The following RAB3GAP1 variants were observed in gnomAD, a reference collection of about 807,000 sequenced individuals.
RAB3GAP1 encodes the protein RAB3 GTPase activating protein catalytic subunit 1.
In RAB3GAP1, 86 loss-of-function variants were observed where a neutral mutation model predicts 130.7. The ratio of observed to expected loss-of-function variants is 0.66; its 90% CI spans 0.55 to 0.79. RAB3GAP1 has a LOEUF of 0.79. Among genes scored for constraint, RAB3GAP1 ranks in the 30% least tolerant of loss-of-function variants. The pLI, the probability that RAB3GAP1 is intolerant of heterozygous loss-of-function variation, is 0.00. For missense variants in RAB3GAP1, 1,029 were observed against 1,169.4 expected, an observed-to-expected ratio of 0.88 and a Z score of 1.75; for synonymous variants, 367 against 401.7, an observed-to-expected ratio of 0.91 and a Z score of 1.03.
intron 3 of RAB3GAP1, among the ~76,000 whole-genome samples, chr2:135,074,327 A>G (rs1689560712): frequency 6.6e-6 from 1 of 152,204 alleles, no homozygotes; most frequent in Admixed American, 6.5e-5. Flanking sequence ...TTCCAACAGA[A>G]AGGACAGGAG....
At position 135,154,435 on chromosome 2, in the gene RAB3GAP1, C is replaced by T. The variant is rs115257048; in HGVS notation, c.2289+559C>T. ...CTCCTCCACCCCCCCAAGAAAATCCCGTGAAATCAATAAGTAAATAAATCC... is the reference window on the plus strand; with the variant it reads ...CTCCTCCACCCCCCCAAGAAAATCCTGTGAAATCAATAAGTAAATAAATCC... On this transcript the variant is annotated intron_variant, in intron 19 of 23. Transcript: ENST00000264158. Among the ~76,000 whole-genome samples the T allele has an allele frequency of 9.0e-3, 1,376 of 152,198 alleles. 20 individuals carry two copies. Among genetic ancestry groups the T allele is most frequent in the African/African-American group, 0.03 (1,238 of 41,498 alleles).
At position 135,155,118 on chromosome 2, in the gene RAB3GAP1, G is replaced by A. The variant is rs371563313; in HGVS notation, c.2289+1242G>A. 7.2e-5 allele frequency among the ~76,000 whole-genome samples: 11 copies of A among 152,064 alleles called. No homozygotes were observed. In the South Asian group the frequency reaches 2.3e-3, roughly 32 times the overall value. ...CAGATATCCTCAAACAGTTAAGGAG[G>A]ATATGAAAAAACCATGTTTAATCAG... On this transcript the variant is annotated intron_variant, in intron 19 of 23. Coordinates refer to ENST00000264158, the MANE Select transcript of RAB3GAP1 (RefSeq NM_012233.3).
chr2:135,105,860 G>C (rs1403026317), intron 5 of RAB3GAP1, among the ~76,000 whole-genome samples: 2 of 151,850 alleles, frequency 1.3e-5, no homozygotes, highest in African/African-American at 2.4e-5. Flanking sequence ...TCTGGGATGT[G>C]AGGAGCACCT....
intron 5 of RAB3GAP1, among the ~76,000 whole-genome samples, chr2:135,108,877 A>G (rs748815834): frequency 2.0e-4 from 30 of 152,166 alleles, no homozygotes; most frequent in Non-Finnish European, 1.8e-4. Flanking sequence ...TGTAAAGCCT[A>G]TCTAGATTAA....
At chr2:135,093,776 A>C in intron 5 of RAB3GAP1, 83 bp downstream of exon 5, 1 of 1,083,528 alleles carries the variant, frequency 9.2e-7, no homozygotes, top group South Asian at 1.3e-5. Flanking sequence ...GTGATTTGCT[A>C]AGAAGACTCA....
rs759855060 is a variant in RAB3GAP1 at position 135,130,041 on chromosome 2, A to G, written c.1020A>G (p.Ser340=). 7 of 1,613,528 alleles carry G rather than the reference A, an allele frequency of 4.3e-6. No homozygotes were observed. The highest frequency in any genetic ancestry group is 4.2e-6 in the Non-Finnish European group (5 of 1,179,762). ...TTAAAATTTGCCGTCGAAAGGAGTC[A>G]ACTGATGAGATTCTTGGACGATCTG... ...EFFKICRRKE[S]TDEILGRSAF... The change falls in exon 12 of 24, where the codon TCA becomes TCG. Residue 340 remains serine, a synonymous_variant. Transcript: ENST00000264158.
At chr2:135,158,443 A>C (rs922396682) in intron 19 of RAB3GAP1, among the ~76,000 whole-genome samples, 128 of 152,294 alleles carry the variant, frequency 8.4e-4, no homozygotes, top group African/African-American at 2.9e-3. Context: ...AATCTGGGAC[A>C]ATTTTGAGTT....
At chr2:135,136,602 C>A in intron 17 of RAB3GAP1, 1 of 560,886 alleles carries the variant, frequency 1.8e-6, no homozygotes, top group Non-Finnish European at 2.8e-6. Context: ...AGTGAATGCT[C>A]AGATGTTTAA....
At chr2:135,125,533 A>G (rs1397509450) in intron 9 of RAB3GAP1, among the ~76,000 whole-genome samples, 1 of 152,232 alleles carries the variant, frequency 6.6e-6, no homozygotes, top group Non-Finnish European at 1.5e-5. Flanking sequence ...TAGAACAGCT[A>G]TAACAATATA....
At chr2:135,056,376 TTGTATTTTCAGTAGAGACGG>T (rs1689012689) in intron 2 of RAB3GAP1, among the ~76,000 whole-genome samples, 2 of 152,000 alleles carry the variant, frequency 1.3e-5, no homozygotes, top group Admixed American at 1.3e-4. Context: ...CTAATTTTTG[TTGTATTTTCAGTAGAGACGG>T]GGTTTCACCA....
At chr2:135,117,525 TCTTCTG>T (rs1691025656) in intron 7 of RAB3GAP1, among the ~76,000 whole-genome samples, 4 of 135,548 alleles carry the variant, frequency 3.0e-5, no homozygotes, top group African/African-American at 1.1e-4. Context: ...TTCTTCTGCT[TCTTCTG>T]CTTCTTCTTC....
chr2:135,125,236 T>C (rs928187901), intron 9 of RAB3GAP1, among the ~76,000 whole-genome samples: 1 of 152,184 alleles, frequency 6.6e-6, no homozygotes, highest in Non-Finnish European at 1.5e-5. Context: ...TTTCTTTGTG[T>C]CTGACTTATT....
downstream of RAB3GAP1, among the ~76,000 whole-genome samples, chr2:135,173,038 G>C (rs1458826861): frequency 3.9e-5 from 6 of 152,134 alleles, no homozygotes; most frequent in Non-Finnish European, 8.8e-5. Context: ...CTCCTGGCCT[G>C]CAGGTAACTG....
Position 135,124,225 on chromosome 2 carries a change from G to GAAA in RAB3GAP1, c.809_810insAAA (p.Gly270_Ala271insAsn), listed in dbSNP as rs1266563773. On this transcript the variant is annotated inframe_insertion, in exon 9 of 24. Coordinates refer to ENST00000264158, the MANE Select transcript of RAB3GAP1 (RefSeq NM_012233.3). ...TTGGAGTTTGGCAAGTTACCATTTG[G>GAAA]TGCCTGCGAAGATCCTATTAGGTGA... 1 of 1,614,130 alleles carries GAAA rather than the reference G, an allele frequency of 6.2e-7. No homozygotes were observed. Among genetic ancestry groups the GAAA allele is most frequent in the Non-Finnish European group, 8.5e-7 (1 of 1,179,968 alleles).
At position 135,162,980 on chromosome 2, in the gene RAB3GAP1, C is replaced by T. The variant is rs368274647; in HGVS notation, c.2491-6C>T. 25 of 1,608,470 alleles carry T rather than the reference C, an allele frequency of 1.6e-5. No individual in the cohort carries two copies. The highest frequency in any genetic ancestry group is 9.9e-5 in the South Asian group (9 of 90,950). ...CAATGTATGCCTCTTCCTTTTCTAC[C>T]GCCAGGAAATCATTCACCAGATTAC... On this transcript the variant is annotated splice_region_variant and splice_polypyrimidine_tract_variant and intron_variant, in intron 21 of 23. Coordinates refer to ENST00000264158, the MANE Select transcript of RAB3GAP1 (RefSeq NM_012233.3).
intron 5 of RAB3GAP1, among the ~76,000 whole-genome samples, chr2:135,099,289 GA>G (rs1414303724): frequency 6.6e-6 from 1 of 152,000 alleles, no homozygotes; most frequent in Non-Finnish European, 1.5e-5. Context: ...AAATTGATAT[GA>G]TTGTTGTTTT....
intron 5 of RAB3GAP1, among the ~76,000 whole-genome samples, chr2:135,096,400 C>T (rs1262813824): frequency 6.6e-6 from 1 of 152,062 alleles, no homozygotes; most frequent in African/African-American, 2.4e-5. Flanking sequence ...AAATTATTTG[C>T]AAATGCAGGT....
At chr2:135,152,123 G>A (rs1373637913) in intron 18 of RAB3GAP1, among the ~76,000 whole-genome samples, 3 of 152,218 alleles carry the variant, frequency 2.0e-5, no homozygotes, top group East Asian at 3.8e-4. Flanking sequence ...GAAATATGTA[G>A]TTATTCTAAA....
rs1401371001 is a variant in RAB3GAP1 at position 135,112,830 on chromosome 2, TCTCTCACACACACA to T, written c.363-319_363-306del. On this transcript the variant is annotated intron_variant, in intron 5 of 23. Transcript: ENST00000264158. ...AACTGTCAAAGTCTCTCTCTCTCTCTCTCTCACACACACACACACACACACACACACACACACAG... is the reference window on the plus strand; with the variant it reads ...AACTGTCAAAGTCTCTCTCTCTCTCTCACACACACACACACACACACACAG... 1.2e-3 allele frequency among the ~76,000 whole-genome samples: 151 copies of T among 127,806 alleles called. 1 individual carries two copies. The highest frequency in any genetic ancestry group is 5.4e-3 in the African/African-American group (146 of 26,866). The allele number at this position is 127,806 out of a possible 152,430, so 83.8% of individuals were successfully genotyped here.
Sources: gnomAD v4.1 joint callset for allele counts (sites outside exome capture counted in the v4.1 genomes callset) on GRCh38, gnomAD v4.1.1 for gene constraint, MANE v1.5 for transcripts, NCBI Gene and HGNC (gene_info 2026-07-23, HGNC 2026-07-21) for gene names.